GPC5: variants seen among roughly 807,000 people sequenced by gnomAD.
The protein encoded by GPC5 is glypican 5.
A neutral mutation model predicts 53.9 loss-of-function variants in GPC5; 47 were observed. The ratio of observed to expected loss-of-function variants is 0.87; its 90% confidence interval spans 0.69 to 1.11. The LOEUF is 1.11. Ranked by LOEUF, GPC5 falls within the 50% of genes most tolerant of loss-of-function variation. GPC5 has a pLI of 0.00. For missense variants in GPC5, 748 were observed against 713.1 expected, an observed-to-expected ratio of 1.05 and a Z score of -0.56; for synonymous variants, 286 against 263.3, an observed-to-expected ratio of 1.09 and a Z score of -0.84.
chr13:92,787,477 C>T (rs1335996655), intron 7 of GPC5, among the ~76,000 whole-genome samples: 1 of 151,056 alleles, frequency 6.6e-6, no homozygotes, highest in Non-Finnish European at 1.5e-5. Flanking sequence ...TACTTCGTTT[C>T]AGTCAAAGGG....
intron 7 of GPC5, among the ~76,000 whole-genome samples, chr13:92,298,681 C>G (rs2043055080): frequency 6.6e-6 from 1 of 152,144 alleles, no homozygotes; most frequent in African/African-American, 2.4e-5. Context: ...TGGGGTATCT[C>G]CTGGGTCCTG....
intron 7 of GPC5, among the ~76,000 whole-genome samples, chr13:92,617,340 TC>T (rs1157163435): frequency 6.6e-6 from 1 of 152,190 alleles, no homozygotes; most frequent in Non-Finnish European, 1.5e-5. Context: ...AGCATTCAGT[TC>T]CTTTAGCTCT....
chr13:92,334,442 T>A (rs2043308759), intron 7 of GPC5, among the ~76,000 whole-genome samples: 2 of 152,132 alleles, frequency 1.3e-5, no homozygotes, highest in Non-Finnish European at 2.9e-5. Flanking sequence ...TAAGATGAGA[T>A]TTGGCTGGGG....
intron 2 of GPC5, among the ~76,000 whole-genome samples, chr13:91,502,071 T>C (rs941710628): frequency 3.3e-5 from 5 of 152,176 alleles, no homozygotes; most frequent in African/African-American, 7.2e-5. Context: ...TCTTATCCTT[T>C]GCCCACTTTT....
At chr13:92,403,100 A>G (rs78639515) in intron 7 of GPC5, among the ~76,000 whole-genome samples, 1,659 of 152,292 alleles carry the variant, frequency 0.011, 28 homozygotes, top group African/African-American at 0.037. Context: ...GTGCTGTGCT[A>G]TATTCTCATA....
chr13:92,264,319 T>C (rs9560999), intron 7 of GPC5, among the ~76,000 whole-genome samples: 67,252 of 151,980 alleles, frequency 0.44, 16,427 homozygotes, highest in African/African-American at 0.66. Context: ...TATTATGAAC[T>C]ACCTTGTAAG....
At chr13:92,352,251 CAA>C (rs1239129855) in intron 7 of GPC5, among the ~76,000 whole-genome samples, 1 of 151,652 alleles carries the variant, frequency 6.6e-6, no homozygotes, top group African/African-American at 2.4e-5. Flanking sequence ...TATATTGACA[CAA>C]AAAATTAATC....
intron 7 of GPC5, among the ~76,000 whole-genome samples, chr13:92,830,962 T>A (rs1029768235): frequency 2.6e-5 from 4 of 152,280 alleles, no homozygotes; most frequent in South Asian, 4.1e-4. Context: ...GGTACTTGGC[T>A]GTTTCAAAGT....
chr13:92,292,275 C>T (rs1342659992), intron 7 of GPC5, among the ~76,000 whole-genome samples: 1 of 152,218 alleles, frequency 6.6e-6, no homozygotes, highest in East Asian at 1.9e-4. Context: ...CTTCCCATAG[C>T]AATTGTACTA....
intron 6 of GPC5, among the ~76,000 whole-genome samples, chr13:92,065,430 GT>G (rs997910718): frequency 6.6e-6 from 1 of 152,054 alleles, no homozygotes; most frequent in Non-Finnish European, 1.5e-5. Context: ...GAAATAATTG[GT>G]TTTTTAAAAA....
At chr13:92,502,722 CACAA>C (rs1880235966) in intron 7 of GPC5, among the ~76,000 whole-genome samples, 1 of 151,964 alleles carries the variant, frequency 6.6e-6, no homozygotes. Flanking sequence ...GAACTGAAAA[CACAA>C]ACAGACACAT....
chr13:92,201,259 G>A (rs2042293268), intron 7 of GPC5, among the ~76,000 whole-genome samples: 1 of 152,202 alleles, frequency 6.6e-6, no homozygotes, highest in African/African-American at 2.4e-5. Flanking sequence ...AATGATGGAT[G>A]AGATGGTTGA....
intron 7 of GPC5, among the ~76,000 whole-genome samples, chr13:92,674,467 G>C (rs2139211301): frequency 6.6e-6 from 1 of 152,086 alleles, no homozygotes; most frequent in Non-Finnish European, 1.5e-5. Flanking sequence ...CATCGAGATA[G>C]GACAAAGACC....
intron 7 of GPC5, among the ~76,000 whole-genome samples, chr13:92,467,016 C>A (rs1315252591): frequency 6.6e-6 from 1 of 152,084 alleles, no homozygotes; most frequent in African/African-American, 2.4e-5. Context: ...GGCTGTCCTT[C>A]CTAATAAAAG....
chr13:92,556,374 AT>A (rs1882494102), intron 7 of GPC5, among the ~76,000 whole-genome samples: 1 of 151,740 alleles, frequency 6.6e-6, no homozygotes, highest in Non-Finnish European at 1.5e-5. Flanking sequence ...TTTCAAAAAC[AT>A]TTTTCTACTA....
intron 7 of GPC5, among the ~76,000 whole-genome samples, chr13:92,493,240 G>T (rs1000401730): frequency 6.6e-6 from 1 of 152,050 alleles, no homozygotes; most frequent in African/African-American, 2.4e-5. Flanking sequence ...CATTAAAGAG[G>T]GACAAGCATT....
chr13:91,747,630 C>T (rs1175651184), intron 4 of GPC5, among the ~76,000 whole-genome samples: 2 of 119,694 alleles, frequency 1.7e-5, no homozygotes, highest in African/African-American at 3.2e-5. Flanking sequence ...GTCATTGTAG[C>T]GATGTATCTG....
chr13:92,443,709 C>T (rs1877673748), intron 7 of GPC5, among the ~76,000 whole-genome samples: 1 of 152,120 alleles, frequency 6.6e-6, no homozygotes, highest in Non-Finnish European at 1.5e-5. Flanking sequence ...GCATGCATAG[C>T]AGCGGTATGT....
chr13:92,623,262 A>AAAG (rs1383891896), intron 7 of GPC5, among the ~76,000 whole-genome samples: 3 of 152,188 alleles, frequency 2.0e-5, no homozygotes, highest in Non-Finnish European at 2.9e-5. Flanking sequence ...GTTGTCAGTA[A>AAAG]AAGAGTGAAG....
Sources: gnomAD v4.1 joint callset for allele counts (sites outside exome capture counted in the v4.1 genomes callset) on GRCh38, gnomAD v4.1.1 for gene constraint, MANE v1.5 for transcripts, NCBI Gene and HGNC (gene_info 2026-07-23, HGNC 2026-07-21) for gene names.